The following DSCAM variants were observed in gnomAD, a reference collection of about 807,000 sequenced individuals.
DSCAM encodes DS cell adhesion molecule.
DSCAM carries 47 observed loss-of-function variants against 217.7 expected under a neutral mutation model. The observed-to-expected ratio is 0.22, with a 90% CI of 0.17 to 0.28. The LOEUF is 0.28. Ranked by LOEUF, DSCAM falls within the 10% of genes least tolerant of loss-of-function variation. The pLI is 1.00. For synonymous variants in DSCAM, 1,056 were observed against 1,015.3 expected, an observed-to-expected ratio of 1.04 and a Z score of -0.76; for missense variants, 2,080 against 2,618.3, an observed-to-expected ratio of 0.79 and a Z score of 4.49.
At chr21:40,750,599 A>G (rs1354759290) in intron 1 of DSCAM, among the ~76,000 whole-genome samples, 1 of 152,134 alleles carries the variant, frequency 6.6e-6, no homozygotes, top group Non-Finnish European at 1.5e-5. Context: ...TGTCTGATCC[A>G]GACCTCTTAT....
chr21:40,398,112 A>G (rs983928496), intron 3 of DSCAM, among the ~76,000 whole-genome samples: 6 of 152,134 alleles, frequency 3.9e-5, no homozygotes, highest in African/African-American at 1.4e-4. Context: ...ATTGCTGAAA[A>G]AACTTACCTA....
At chr21:40,376,684 A>ATATATATCTTATATAGATATC (rs1569093279) in intron 3 of DSCAM, among the ~76,000 whole-genome samples, 2 of 33,564 alleles carry the variant, frequency 6.0e-5, no homozygotes, top group African/African-American at 2.6e-4. Context: ...TCTATATATC[A>ATATATATCTTATATAGATATC]TATATATCAT....
At chr21:40,476,606 T>G (rs536202326) in intron 3 of DSCAM, among the ~76,000 whole-genome samples, 1 of 152,278 alleles carries the variant, frequency 6.6e-6, no homozygotes, top group African/African-American at 2.4e-5. Context: ...GTGCTTAAGG[T>G]GAGGACAGAA....
At chr21:40,718,596 C>T (rs543095383) in intron 1 of DSCAM, among the ~76,000 whole-genome samples, 20 of 152,044 alleles carry the variant, frequency 1.3e-4, no homozygotes, top group Admixed American at 6.6e-5. Context: ...CCTGCCCCCA[C>T]GATTCAATTA....
At chr21:40,118,449 G>A (rs1461388056) in intron 20 of DSCAM, among the ~76,000 whole-genome samples, 1 of 152,112 alleles carries the variant, frequency 6.6e-6, no homozygotes, top group Non-Finnish European at 1.5e-5. Flanking sequence ...TAGCCTGGTG[G>A]GGTGGCGGGT....
chr21:40,178,825 G>T (rs963899367), intron 15 of DSCAM, 102 bp downstream of exon 15: 13 of 1,460,588 alleles, frequency 8.9e-6, no homozygotes, highest in Non-Finnish European at 1.2e-5. Flanking sequence ...AAAGACCTCC[G>T]CCTAGCACGG....
intron 8 of DSCAM, among the ~76,000 whole-genome samples, chr21:40,320,224 T>C (rs1404548643): frequency 6.6e-6 from 1 of 152,186 alleles, no homozygotes; most frequent in Non-Finnish European, 1.5e-5. Context: ...AGAAGAACAT[T>C]ATGTCCGCTA....
At chr21:40,664,804 T>A (rs1230514543) in intron 3 of DSCAM, among the ~76,000 whole-genome samples, 2 of 152,128 alleles carry the variant, frequency 1.3e-5, no homozygotes, top group African/African-American at 4.8e-5. Context: ...AGGGCTTGGA[T>A]GTTTGTCCCC....
intron 1 of DSCAM, among the ~76,000 whole-genome samples, chr21:40,801,355 T>G (rs1813339721): frequency 6.6e-6 from 1 of 152,166 alleles, no homozygotes; most frequent in Non-Finnish European, 1.5e-5. Flanking sequence ...AAAGCTCTCA[T>G]CTTGGCCAAG....
chr21:40,088,304 G>A (rs933125834), intron 21 of DSCAM, among the ~76,000 whole-genome samples: 2 of 152,146 alleles, frequency 1.3e-5, no homozygotes, highest in African/African-American at 4.8e-5. Flanking sequence ...TGAGACCCCT[G>A]CACCATTTCT....
chr21:40,315,063 C>T (rs1172848269), intron 8 of DSCAM, among the ~76,000 whole-genome samples: 2 of 152,100 alleles, frequency 1.3e-5, no homozygotes, highest in Admixed American at 1.3e-4. Flanking sequence ...TTCTCCAAAT[C>T]AAGAAAGAAA....
intron 3 of DSCAM, among the ~76,000 whole-genome samples, chr21:40,524,051 C>T (rs185390408): frequency 5.9e-5 from 9 of 152,102 alleles, no homozygotes; most frequent in Admixed American, 2.6e-4. Context: ...GAAAGAAATT[C>T]GGCTTATAAC....
intron 11 of DSCAM, among the ~76,000 whole-genome samples, chr21:40,211,288 G>C (rs2091181573): frequency 6.6e-6 from 1 of 152,166 alleles, no homozygotes; most frequent in Admixed American, 6.5e-5. Context: ...TCATTTTGTT[G>C]TTGTTGTTGT....
chr21:40,109,307 A>C (rs1015857867), intron 20 of DSCAM, among the ~76,000 whole-genome samples: 1 of 152,250 alleles, frequency 6.6e-6, no homozygotes. Flanking sequence ...ACAAGAAAAA[A>C]ATAAACAATC....
intron 32 of DSCAM, among the ~76,000 whole-genome samples, chr21:40,017,492 T>C (rs1477052391): frequency 6.6e-6 from 1 of 152,194 alleles, no homozygotes; most frequent in Admixed American, 6.5e-5. Context: ...TAATTCAACG[T>C]TGGCTTCCTA....
intron 15 of DSCAM, among the ~76,000 whole-genome samples, chr21:40,172,580 G>A (rs2090671234): frequency 6.6e-6 from 1 of 152,176 alleles, no homozygotes; most frequent in South Asian, 2.1e-4. Context: ...TCCCAGAGCT[G>A]AGACTCAAGC....
chr21:40,348,319 T>A (rs964026235), intron 5 of DSCAM, among the ~76,000 whole-genome samples: 4 of 152,270 alleles, frequency 2.6e-5, no homozygotes, highest in Non-Finnish European at 2.9e-5. Context: ...ATTATTGCAA[T>A]CATACCCCAT....
intron 3 of DSCAM, among the ~76,000 whole-genome samples, chr21:40,523,749 C>G (rs1052561104): frequency 1.3e-5 from 2 of 152,108 alleles, no homozygotes; most frequent in Non-Finnish European, 2.9e-5. Context: ...TGATCTGATA[C>G]GCACAAGCCA....
intron 15 of DSCAM, among the ~76,000 whole-genome samples, chr21:40,175,814 C>CACGCACGCAG: frequency 6.7e-6 from 1 of 149,264 alleles, no homozygotes; most frequent in South Asian, 2.1e-4. Flanking sequence ...CACACGCACA[C>CACGCACGCAG]ACACACACAC....
Sources: gnomAD v4.1 joint callset for allele counts (sites outside exome capture counted in the v4.1 genomes callset) on GRCh38, gnomAD v4.1.1 for gene constraint, MANE v1.5 for transcripts, NCBI Gene and HGNC (gene_info 2026-07-23, HGNC 2026-07-21) for gene names.